Variants in TANC1 observed in about 807,000 individuals in gnomAD.
TANC1 encodes tetratricopeptide repeat, ankyrin repeat and coiled-coil containing 1.
TANC1 carries 77 observed loss-of-function variants against 149.7 expected under a neutral mutation model. The ratio of observed to expected loss-of-function variants is 0.51; its 90% CI spans 0.43 to 0.62. The LOEUF (loss-of-function observed/expected upper bound fraction) is 0.62. Ranked by LOEUF, TANC1 falls within the 20% of genes least tolerant of loss-of-function variation. The pLI, the probability that TANC1 is intolerant of heterozygous loss-of-function variation, is 0.00. For missense variants in TANC1, 1,985 were observed against 2,321.8 expected (o/e 0.85, Z 2.98); for synonymous variants, 854 against 925.0 (o/e 0.92, Z 1.39).
intron 1 of TANC1, among the ~76,000 whole-genome samples, chr2:158,995,247 G>C (rs553975151): frequency 6.6e-6 from 1 of 152,148 alleles, no homozygotes; most frequent in African/African-American, 2.4e-5. Flanking sequence ...GGCTGGGGGG[G>C]CGCTCAGTTT....
chr2:159,139,915 G>C (rs923237550), intron 5 of TANC1, among the ~76,000 whole-genome samples: 20 of 152,078 alleles, frequency 1.3e-4, no homozygotes, highest in African/African-American at 4.6e-4. Flanking sequence ...AGGTATAGAG[G>C]ATTAAAGAGG....
intron 1 of TANC1, among the ~76,000 whole-genome samples, chr2:158,992,364 C>CAAA (rs34780271): frequency 7.6e-6 from 1 of 132,358 alleles, no homozygotes; most frequent in Non-Finnish European, 1.6e-5. Flanking sequence ...TACCCTGTCT[C>CAAA]AAAAAAAAAA....
chr2:159,003,386 T>A (rs548326682), intron 2 of TANC1, among the ~76,000 whole-genome samples: 1 of 152,316 alleles, frequency 6.6e-6, no homozygotes, highest in South Asian at 2.1e-4. Flanking sequence ...TTTCTTGGAA[T>A]TACCTAACAG....
intron 4 of TANC1, 27 bp from the exon 5 acceptor site, chr2:159,136,167 G>A (rs1272233198): frequency 7.3e-7 from 1 of 1,374,902 alleles, no homozygotes; most frequent in Non-Finnish European, 1.0e-6. Flanking sequence ...GAAAAAATTA[G>A]CCACACTCAG....
chr2:159,193,859 A>G (rs1347589022), intron 16 of TANC1, among the ~76,000 whole-genome samples: 2 of 150,598 alleles, frequency 1.3e-5, no homozygotes, highest in Admixed American at 6.6e-5. Flanking sequence ...TTTTTTTTTA[A>G]TTTTCACATC....
chr2:159,170,880 TA>T, intron 10 of TANC1, 75 bp downstream of exon 10: 1 of 1,507,064 alleles, frequency 6.6e-7, no homozygotes, highest in Non-Finnish European at 9.0e-7. Context: ...CACATAGACA[TA>T]AAATACCAAT....
chr2:159,210,291 C>T (rs1348349140), intron 19 of TANC1, among the ~76,000 whole-genome samples: 1 of 152,144 alleles, frequency 6.6e-6, no homozygotes, highest in East Asian at 1.9e-4. Context: ...GAATACAGAC[C>T]CATTGTTGTG....
intron 4 of TANC1, among the ~76,000 whole-genome samples, chr2:159,109,346 T>C (rs957805783): frequency 6.6e-6 from 1 of 152,208 alleles, no homozygotes. Context: ...TAAGATGTTA[T>C]GGACTGCATG....
chr2:159,116,460 A>ACAAC (rs1559289121), intron 4 of TANC1, among the ~76,000 whole-genome samples: 8 of 134,784 alleles, frequency 5.9e-5, no homozygotes, highest in African/African-American at 2.0e-4. Flanking sequence ...ACAACAAAAA[A>ACAAC]AAAAAAACAA....
At chr2:158,987,250 G>C (rs1477018449) in intron 1 of TANC1, among the ~76,000 whole-genome samples, 1 of 150,766 alleles carries the variant, frequency 6.6e-6, no homozygotes, top group Non-Finnish European at 1.5e-5. Flanking sequence ...TGAAGGCTGG[G>C]TATGGTGGCT....
In TANC1 at chr2:159,072,937, A is replaced by G. The variant is rs149068699; in HGVS notation, c.61+6966A>G. On this transcript the variant is annotated intron_variant, in intron 3 of 26. Coordinates refer to ENST00000263635, the MANE Select transcript of TANC1 (RefSeq NM_033394.3). The stretch of plus-strand genomic sequence containing the variant: ...TTCTCCCAGCTTCAGCCTTTCCCCT[A>G]TAACAAAACTGGGGAAGCTCTGAGT... Among the ~76,000 whole-genome samples, 62 of 152,266 alleles carry G rather than the reference A, an allele frequency of 4.1e-4. 1 individual carries two copies. The East Asian group carries it at 0.011, about 27-fold the overall frequency.
At chr2:159,172,804 C>G (rs1032582121) in intron 11 of TANC1, among the ~76,000 whole-genome samples, 4 of 152,224 alleles carry the variant, frequency 2.6e-5, no homozygotes, top group African/African-American at 2.4e-5. Context: ...CAACCGCACT[C>G]CTGCATTAAA....
chr2:159,058,658 T>C (rs1160569524), intron 2 of TANC1, among the ~76,000 whole-genome samples: 1 of 152,214 alleles, frequency 6.6e-6, no homozygotes, highest in African/African-American at 2.4e-5. Context: ...AGAATTTGGA[T>C]TGAACAAATC....
chr2:159,143,261 T>C lies in TANC1; in HGVS notation c.365-5881T>C, dbSNP rs148300171. Among the ~76,000 whole-genome samples the C allele has an allele frequency of 1.3e-3, 203 of 152,248 alleles. 1 individual carries two copies. The highest frequency in any genetic ancestry group is 4.8e-3 in the African/African-American group (199 of 41,552). On this transcript the variant is annotated intron_variant, in intron 5 of 26. Transcript: ENST00000263635. The stretch of plus-strand genomic sequence containing the variant: ...CTCGTAATGTGATGTTTTGATATTA[T>C]GTGATAACATTTGTCAACATTTGCA...
chr2:159,141,418 G>A (rs181801037), intron 5 of TANC1, among the ~76,000 whole-genome samples: 1 of 152,350 alleles, frequency 6.6e-6, no homozygotes, highest in African/African-American at 2.4e-5. Context: ...TCTCAAATTA[G>A]TTCAGGTTCA....
rs1436174034 is a variant in TANC1 at position 159,079,015 on chromosome 2, C to T, written c.61+13044C>T. Among the ~76,000 whole-genome samples the T allele has an allele frequency of 4.0e-5, 6 of 150,288 alleles. No homozygotes were observed. In the East Asian group the frequency reaches 1.2e-3, roughly 29 times the overall value. On this transcript the variant is annotated intron_variant, in intron 3 of 26. Transcript: ENST00000263635. ...TGGTATACCTGCTTTTGGGAAATGC[C>T]CATTAAGCAAGGAACAATAAAATAT...
intron 12 of TANC1, among the ~76,000 whole-genome samples, 159 bp downstream of exon 12, chr2:159,175,343 A>C (rs1054190229): frequency 1.3e-5 from 2 of 152,114 alleles, no homozygotes; most frequent in African/African-American, 4.8e-5. Flanking sequence ...CTTTCTCAGA[A>C]CCAGCCCCAT....
At chr2:159,096,682 G>T (rs980004237) in intron 3 of TANC1, among the ~76,000 whole-genome samples, 1 of 152,174 alleles carries the variant, frequency 6.6e-6, no homozygotes, top group Non-Finnish European at 1.5e-5. Flanking sequence ...AGGGGCATGA[G>T]CCAGAATGGC....
At chr2:159,202,340 A>AT (rs2058307169) in intron 19 of TANC1, among the ~76,000 whole-genome samples, 1 of 152,258 alleles carries the variant, frequency 6.6e-6, no homozygotes, top group Admixed American at 6.5e-5. Flanking sequence ...TAAGACGTTC[A>AT]TAAAAAATGG....
Sources: allele counts gnomAD v4.1 joint callset (sites outside exome capture counted in the v4.1 genomes callset), GRCh38; gene constraint gnomAD v4.1.1; transcripts MANE v1.5; gene names NCBI Gene and HGNC (gene_info 2026-07-23, HGNC 2026-07-21).